The following SNX18 variants were observed in gnomAD, a reference collection of about 807,000 sequenced individuals.
SNX18 encodes sorting nexin 18, also known as sorting nexin-18.
A neutral mutation model predicts 48.7 loss-of-function variants in SNX18; 35 were observed. The ratio of observed to expected loss-of-function variants is 0.72; its 90% CI spans 0.55 to 0.95. The LOEUF (loss-of-function observed/expected upper bound fraction) is 0.95. Among genes scored for constraint, SNX18 ranks in the 40% least tolerant of loss-of-function variants. The probability of loss-of-function intolerance (pLI) is 0.00; values close to 1 mark genes in which losing one functional copy is unlikely to be tolerated. For synonymous variants in SNX18, 492 were observed against 384.7 expected (o/e 1.28, Z -3.26); for missense variants, 824 against 871.0 (o/e 0.95, Z 0.68).
the SNX18 span, among the ~76,000 whole-genome samples, chr5:54,630,460 G>A: frequency 5.3e-5 from 8 of 152,134 alleles, no homozygotes; most frequent in African/African-American, 7.2e-5. Context: ...CCATCTTGGC[G>A]AAAGTGCTGC....
At chr5:54,647,030 T>G in the SNX18 span, among the ~76,000 whole-genome samples, 5 of 152,172 alleles carry the variant, frequency 3.3e-5, no homozygotes, top group Admixed American at 6.5e-5. Flanking sequence ...CGGCTGGAGA[T>G]TACCAACTTG....
the SNX18 span, among the ~76,000 whole-genome samples, chr5:54,646,172 T>C: frequency 2.0e-5 from 3 of 152,240 alleles, no homozygotes; most frequent in East Asian, 5.8e-4. Context: ...AGACTTTTTT[T>C]CTCCTACTTT....
intron 1 of SNX18, among the ~76,000 whole-genome samples, chr5:54,537,104 C>A (rs1275650362): frequency 6.6e-6 from 1 of 152,080 alleles, no homozygotes; most frequent in Non-Finnish European, 1.5e-5. Flanking sequence ...CTGAGGCGGG[C>A]GGATCACTTG....
chr5:54,565,500 G>A, the SNX18 span, among the ~76,000 whole-genome samples: 1 of 152,006 alleles, frequency 6.6e-6, no homozygotes. Context: ...TTAAACCCAG[G>A]TCATTGAGGC....
the SNX18 span, among the ~76,000 whole-genome samples, chr5:54,623,863 G>T: frequency 1.3e-5 from 2 of 152,168 alleles, no homozygotes; most frequent in Non-Finnish European, 2.9e-5. Context: ...CTCTTCAGCA[G>T]GCTCATTAGA....
chr5:54,600,777 T>C, the SNX18 span, among the ~76,000 whole-genome samples: 2 of 151,966 alleles, frequency 1.3e-5, no homozygotes, highest in African/African-American at 4.8e-5. Flanking sequence ...AGCTGAACAA[T>C]GGGATCGCAT....
the SNX18 span, among the ~76,000 whole-genome samples, chr5:54,593,538 T>C: frequency 6.6e-6 from 1 of 152,214 alleles, no homozygotes; most frequent in Admixed American, 6.5e-5. Flanking sequence ...TAGAAATTGA[T>C]GATCATGTTC....
chr5:54,524,013 G>C (rs1762081181), intron 1 of SNX18, among the ~76,000 whole-genome samples: 1 of 152,144 alleles, frequency 6.6e-6, no homozygotes, highest in South Asian at 2.1e-4. Flanking sequence ...TAGAAATTGA[G>C]GCTGTTCATT....
chr5:54,519,173 C>T lies in SNX18; in HGVS notation c.1221C>T (p.Phe407=), dbSNP rs145475171. The change falls in exon 1 of 2, where the codon TTC becomes TTT. Residue 407 remains phenylalanine, a synonymous_variant. Coordinates refer to ENST00000381410, the MANE Select transcript of SNX18 (RefSeq NM_001102575.2). ...AEKDEMVGAN[F]FLTLSTPPAA... ...AGGACGAGATGGTGGGCGCCAACTTCTTCCTGACCCTTAGCACGCCCCCCG... is the reference window on the plus strand; with the variant it reads ...AGGACGAGATGGTGGGCGCCAACTTTTTCCTGACCCTTAGCACGCCCCCCG... 4.3e-6 allele frequency: 7 copies of T among 1,613,618 alleles called. No homozygotes were observed. The highest frequency in any genetic ancestry group is 5.9e-6 in the Non-Finnish European group (7 of 1,179,792).
the SNX18 span, among the ~76,000 whole-genome samples, chr5:54,631,643 G>A: frequency 6.6e-6 from 1 of 151,614 alleles, no homozygotes. Flanking sequence ...AGAGGAGACT[G>A]GGAAGATATC....
the SNX18 span, among the ~76,000 whole-genome samples, chr5:54,610,626 T>C: frequency 6.6e-5 from 10 of 152,220 alleles, no homozygotes; most frequent in African/African-American, 2.4e-4. Context: ...ATTTGCATAA[T>C]GTTATTGCTT....
chr5:54,585,474 C>T, the SNX18 span, among the ~76,000 whole-genome samples: 1 of 151,988 alleles, frequency 6.6e-6, no homozygotes, highest in African/African-American at 2.4e-5. Flanking sequence ...GTCACAGAGG[C>T]CTGGTTCCAG....
the SNX18 span, among the ~76,000 whole-genome samples, chr5:54,618,814 G>T: frequency 6.8e-6 from 1 of 146,092 alleles, no homozygotes. Flanking sequence ...ATAATTTAAA[G>T]TGTGTGCTAA....
At chr5:54,633,691 A>G in the SNX18 span, among the ~76,000 whole-genome samples, 1,051 of 152,332 alleles carry the variant, frequency 6.9e-3, 9 homozygotes, top group African/African-American at 0.025. Context: ...TACTCAACAA[A>G]TGTTACCTGT....
intron 1 of SNX18, among the ~76,000 whole-genome samples, chr5:54,525,044 C>T (rs1397848239): frequency 6.6e-6 from 1 of 152,226 alleles, no homozygotes; most frequent in African/African-American, 2.4e-5. Context: ...GGGAGCTGGC[C>T]TGTCGGGACC....
the SNX18 span, among the ~76,000 whole-genome samples, chr5:54,629,011 G>C: frequency 2.0e-5 from 3 of 152,232 alleles, no homozygotes; most frequent in African/African-American, 7.2e-5. Context: ...AGTCCTTCAA[G>C]GTCGGGAGAT....
In SNX18 at chr5:54,545,258, C is replaced by T. The variant is rs561197945; in HGVS notation, c.*1826C>T. 1.3e-5 allele frequency: 2 copies of T among 152,058 alleles called. No individual in the cohort carries two copies. The highest frequency in any genetic ancestry group is 6.5e-5 in the Admixed American group (1 of 15,274). 9.4% of individuals were successfully genotyped at this position (152,058 alleles called of 1,614,324 possible). ...GCAAAATACAGTTCTATAAACAAAACCCATATGTATATATAAATGTTAATT... is the reference window on the plus strand; with the variant it reads ...GCAAAATACAGTTCTATAAACAAAATCCATATGTATATATAAATGTTAATT... On this transcript the variant is annotated 3_prime_UTR_variant, in exon 2 of 2. Transcript: ENST00000381410.
At chr5:54,632,551 G>A in the SNX18 span, among the ~76,000 whole-genome samples, 3 of 152,056 alleles carry the variant, frequency 2.0e-5, no homozygotes, top group Non-Finnish European at 4.4e-5. Context: ...GACATTGCAC[G>A]GCTCCTTTTT....
At chr5:54,534,127 C>A (rs973881745) in intron 1 of SNX18, among the ~76,000 whole-genome samples, 1 of 152,142 alleles carries the variant, frequency 6.6e-6, no homozygotes, top group African/African-American at 2.4e-5. Context: ...TGTTCTTTCC[C>A]GTACACCATG....
Sources: gnomAD v4.1 joint callset for allele counts (sites outside exome capture counted in the v4.1 genomes callset) on GRCh38, gnomAD v4.1.1 for gene constraint, MANE v1.5 for transcripts, NCBI Gene and HGNC (gene_info 2026-07-23, HGNC 2026-07-21) for gene names.